SAMD3: variants seen among roughly 807,000 people sequenced by gnomAD.
SAMD3 encodes sterile alpha motif domain containing 3, also known as sterile alpha motif domain-containing protein 3.
In SAMD3, 63 loss-of-function variants were observed where a neutral mutation model predicts 58.5. The ratio of observed to expected loss-of-function variants is 1.08; its 90% CI spans 0.88 to 1.33. The LOEUF is 1.33. SAMD3 is among the 40% of genes most tolerant of loss of function. SAMD3 has a pLI of 0.00. For missense variants in SAMD3, 604 were observed against 608.4 expected, an observed-to-expected ratio of 0.99 and a Z score of 0.08; for synonymous variants, 220 against 210.3, an observed-to-expected ratio of 1.05 and a Z score of -0.40.
At chr6:130,345,573 T>G (rs954931545) in intron 1 of SAMD3, among the ~76,000 whole-genome samples, 1 of 151,988 alleles carries the variant, frequency 6.6e-6, no homozygotes, top group African/African-American at 2.4e-5. Flanking sequence ...GGATAAGGAC[T>G]GTGTCCAAGT....
intron 2 of SAMD3, among the ~76,000 whole-genome samples, chr6:130,233,005 G>T (rs1796589763): frequency 1.3e-5 from 2 of 152,110 alleles, no homozygotes. Context: ...CTTCTGATTG[G>T]CAGAGACAGG....
intron 2 of SAMD3, among the ~76,000 whole-genome samples, chr6:130,280,279 C>A (rs1774934760): frequency 6.6e-6 from 1 of 152,188 alleles, no homozygotes; most frequent in Non-Finnish European, 1.5e-5. Flanking sequence ...CCTTGCAGGT[C>A]TTTCTTGTGG....
In SAMD3 at chr6:130,184,138, C is replaced by T. The variant is rs1792682702; in HGVS notation, c.619G>A (p.Ala207Thr). 2 of 1,613,934 alleles carry T rather than the reference C, an allele frequency of 1.2e-6. No homozygotes were observed. The highest frequency in any genetic ancestry group is 4.5e-5 in the East Asian group (2 of 44,884). ...YNDVVNALLQ[A>T]HPFLDEDGCG... ...CCATCCTCATCCAGGAAAGGGTGGG[C>T]CTGCAGCAGGGCATTAACCACGTCA... The change falls in exon 7 of 12, where the codon GCC becomes ACC. Residue 207 changes from alanine (A) to threonine (T), a missense_variant. By Grantham distance (58) the Ala-to-Thr change is moderately conservative. Coordinates refer to ENST00000439090, the MANE Select transcript of SAMD3 (RefSeq NM_001017373.4).
chr6:130,266,252 A>G (rs1220346462), intron 2 of SAMD3, among the ~76,000 whole-genome samples: 2 of 152,152 alleles, frequency 1.3e-5, no homozygotes, highest in Non-Finnish European at 2.9e-5. Context: ...AAAACAAGAA[A>G]TTTGTTTTTG....
chr6:130,281,626 A>G (rs867455150), intron 2 of SAMD3, among the ~76,000 whole-genome samples: 4 of 152,176 alleles, frequency 2.6e-5, no homozygotes, highest in Middle Eastern at 3.4e-3. Flanking sequence ...AATGGAATTA[A>G]AATGTATTTC....
Position 130,183,529 on chromosome 6 carries a change from C to T in SAMD3, c.654+574G>A, listed in dbSNP as rs553185078. On this transcript the variant is annotated intron_variant, in intron 7 of 11. Transcript: ENST00000439090. The stretch of plus-strand genomic sequence containing the variant: ...CTTGATGACAGCTCCGAAGCAGGTG[C>T]AGCCATGTCTTTCTCTTTCTATGTG... 5 of 396,764 alleles carry T rather than the reference C, an allele frequency of 1.3e-5. No individual in the cohort carries two copies. The East Asian group carries it at 3.6e-4, about 29-fold the overall frequency. 24.6% of individuals were successfully genotyped at this position (396,764 alleles called of 1,614,324 possible).
intron 5 of SAMD3, among the ~76,000 whole-genome samples, chr6:130,190,802 T>C (rs1793472245): frequency 6.6e-6 from 1 of 152,058 alleles, no homozygotes; most frequent in Non-Finnish European, 1.5e-5. Context: ...TTTAATCATG[T>C]CGGTCAGTGG....
intron 2 of SAMD3, among the ~76,000 whole-genome samples, chr6:130,297,239 A>G (rs1029829754): frequency 2.0e-4 from 30 of 152,208 alleles, no homozygotes; most frequent in African/African-American, 6.8e-4. Context: ...ACATCTAAGA[A>G]AGCCACTGCA....
At chr6:130,211,430 C>A (rs181119664) in intron 4 of SAMD3, among the ~76,000 whole-genome samples, 221 of 151,880 alleles carry the variant, frequency 1.5e-3, no homozygotes, top group African/African-American at 5.1e-3. Flanking sequence ...ATTACAGGCA[C>A]CCGCCACCAG....
chr6:130,215,389 C>A, intron 2 of SAMD3, 95 bp from the exon 3 acceptor site: 1 of 1,250,038 alleles, frequency 8.0e-7, no homozygotes, highest in Non-Finnish European at 1.1e-6. Context: ...TGCTAGACTC[C>A]TTTATCTTCT....
At chr6:130,342,404 G>C (rs925508942) in intron 1 of SAMD3, among the ~76,000 whole-genome samples, 10 of 152,146 alleles carry the variant, frequency 6.6e-5, no homozygotes, top group African/African-American at 2.4e-4. Context: ...TAAGCAAACT[G>C]TGCATTAAGC....
intron 2 of SAMD3, among the ~76,000 whole-genome samples, chr6:130,231,288 G>T (rs1017175556): frequency 2.2e-4 from 34 of 152,004 alleles, no homozygotes; most frequent in African/African-American, 8.2e-4. Context: ...TTTAGGCCAG[G>T]CACAGTGGTT....
At chr6:130,365,473 G>A, upstream of SAMD3, 1 of 985,422 alleles carries the variant, frequency 1.0e-6, no homozygotes, top group Non-Finnish European at 1.2e-6. Context: ...AGCCCGCCAG[G>A]GGGACCCCGG....
intron 8 of SAMD3, among the ~76,000 whole-genome samples, chr6:130,174,466 T>C (rs1791543403): frequency 6.6e-6 from 1 of 152,160 alleles, no homozygotes; most frequent in South Asian, 2.1e-4. Context: ...TCACCCAGCT[T>C]CTGTTCATCC....
rs1033477128 is a variant in SAMD3, at chr6:130,184,443, G to A, written c.564C>T (p.Gly188=). The A allele has an allele frequency of 7.4e-6, 12 of 1,613,572 alleles. No homozygotes were observed. The highest frequency in any genetic ancestry group is 9.3e-6 in the Non-Finnish European group (11 of 1,179,764). ...CTTGTCCTGTTGTCACTCACAGTGAGCCTTCCAGATACTTAGTCATGTCGG... is the reference window on the plus strand; with the variant it reads ...CTTGTCCTGTTGTCACTCACAGTGAACCTTCCAGATACTTAGTCATGTCGG... ...LQADMTKYLE[G]SLYPSTQQYN... Residue 188 remains glycine, a synonymous_variant, in exon 6 of 12, where the codon GGC becomes GGT. Transcript: ENST00000439090.
chr6:130,348,589 A>T (rs1777539753), intron 1 of SAMD3, among the ~76,000 whole-genome samples: 2 of 152,150 alleles, frequency 1.3e-5, no homozygotes, highest in African/African-American at 4.8e-5. Context: ...AAGTCCTTAG[A>T]GACCTACAAA....
chr6:130,261,597 G>C (rs1480712276), intron 2 of SAMD3, among the ~76,000 whole-genome samples: 1 of 152,092 alleles, frequency 6.6e-6, no homozygotes, highest in African/African-American at 2.4e-5. Context: ...TGTGTGTGTG[G>C]TGTGAGCGTG....
At chr6:130,226,290 A>C (rs1796380652), upstream of SAMD3, among the ~76,000 whole-genome samples, 1 of 152,214 alleles carries the variant, frequency 6.6e-6, no homozygotes, top group South Asian at 2.1e-4. Flanking sequence ...TACTTCATGA[A>C]AATATTGATT....
chr6:130,354,852 G>A lies in SAMD3; in HGVS notation c.-304+10268C>T, dbSNP rs556617820. Among the ~76,000 whole-genome samples, 36 of 152,202 alleles carry A rather than the reference G, an allele frequency of 2.4e-4. No homozygotes were observed. The South Asian group carries it at 7.5e-3, about 32-fold the overall frequency. ...GTAGATGTCCCTTGGCATAGCTGAT[G>A]GTGCTAATTCAAATTTGAAGAGATA... On this transcript the variant is annotated intron_variant, in intron 1 of 13. Transcript: ENST00000368134.
Sources: allele counts gnomAD v4.1 joint callset (sites outside exome capture counted in the v4.1 genomes callset), GRCh38; gene constraint gnomAD v4.1.1; transcripts MANE v1.5; gene names NCBI Gene and HGNC (gene_info 2026-07-23, HGNC 2026-07-21).